The following NPC1 variants were observed in gnomAD, a reference collection of about 807,000 sequenced individuals.
The protein encoded by NPC1 is NPC intracellular cholesterol transporter 1.
Under a neutral mutation model 140.4 loss-of-function variants are expected in NPC1, and 85 were observed. That is an observed-to-expected ratio of 0.61 (90% CI 0.51 to 0.72). The LOEUF is 0.72. NPC1 is among the 30% of genes least tolerant of loss of function. The pLI, the probability that NPC1 is intolerant of heterozygous loss-of-function variation, is 0.00. For missense variants in NPC1, 1,504 were observed against 1,623.8 expected, an observed-to-expected ratio of 0.93 and a Z score of 1.27; for synonymous variants, 656 against 624.8, an observed-to-expected ratio of 1.05 and a Z score of -0.74.
At chr18:23,576,526 T>C (rs1178615265) in intron 1 of NPC1, 1 of 1,004,494 alleles carries the variant, frequency 1.0e-6, no homozygotes, top group Non-Finnish European at 1.2e-6. Context: ...TTAAATGCTC[T>C]TCACATTGTG....
At chr18:23,525,913 T>G (rs1314248907), downstream of NPC1, among the ~76,000 whole-genome samples, 1 of 152,252 alleles carries the variant, frequency 6.6e-6, no homozygotes, top group Non-Finnish European at 1.5e-5. Flanking sequence ...ATCCACTGTA[T>G]GTAATGCATT....
rs1567969266 is a variant in NPC1 at position 23,560,332 on chromosome 18, C to T, written c.780G>A (p.Trp260Ter). The T allele has an allele frequency of 1.2e-6, 2 of 1,614,220 alleles. No individual in the cohort carries two copies. The highest frequency in any genetic ancestry group is 1.7e-6 in the Non-Finnish European group (2 of 1,180,038). Residue 260 changes from tryptophan to a stop codon, truncating the protein, a stop_gained, in exon 6 of 25, where the codon TGG becomes TGA. Coordinates refer to ENST00000269228, the MANE Select transcript of NPC1 (RefSeq NM_000271.5). LOFTEE classifies it high-confidence loss of function. ...KPQPPPPPAP[W>*]TILGLDAMYV... ...ACATGGCGTCCAAGCCAAGGATCGT[C>T]CAGGGAGCAGGAGGAGGTGGGGGCT...
At chr18:23,570,323 T>C (rs2059183156) in intron 3 of NPC1, among the ~76,000 whole-genome samples, 1 of 152,352 alleles carries the variant, frequency 6.6e-6, no homozygotes, top group Middle Eastern at 3.4e-3. Flanking sequence ...AGGTTGGCTA[T>C]CTTTTTATGT....
At chr18:23,508,658 G>C (rs947791932) in intron 3 of NPC1, 1 of 152,278 alleles carries the variant, frequency 6.6e-6, no homozygotes, top group East Asian at 1.9e-4. Context: ...AGTTCAGGGC[G>C]GACTCTTTGG....
chr18:23,568,724 A>C, intron 4 of NPC1, 99 bp downstream of exon 4: 1 of 967,038 alleles, frequency 1.0e-6, no homozygotes, highest in South Asian at 1.3e-5. Context: ...GGAACTGAAA[A>C]TTGTGATTTT....
At chr18:23,522,279 A>G (rs1432950100), downstream of NPC1, 1 of 152,244 alleles carries the variant, frequency 6.6e-6, no homozygotes, top group Admixed American at 6.5e-5. Flanking sequence ...TATTGAAAGA[A>G]TAGATTTTGC....
At chr18:23,530,287 A>G, downstream of NPC1, 1 of 1,614,186 alleles carries the variant, frequency 6.2e-7, no homozygotes, top group Non-Finnish European at 8.5e-7. Flanking sequence ...CTATCTCTGG[A>G]CATGCTGAAG....
rs541856746 is a variant in NPC1, at chr18:23,541,562, G to A, written c.2246-129C>T. On this transcript the variant is annotated intron_variant, in intron 14 of 24. Coordinates refer to ENST00000269228, the MANE Select transcript of NPC1 (RefSeq NM_000271.5). ...CCAAACGCATGAGAAGGCATGCTGC[G>A]GCTGGACATTACACCAGAAGTGGGA... 54 of 1,196,204 alleles carry A rather than the reference G, an allele frequency of 4.5e-5. 1 individual carries two copies. The South Asian group carries it at 5.3e-4, about 12-fold the overall frequency. 74.1% of individuals were successfully genotyped at this position (1,196,204 alleles called of 1,614,324 possible). A position where few individuals can be genotyped will look rare whatever the true frequency, so the allele number is the denominator to read the frequency against.
downstream of NPC1, chr18:23,520,281 G>T: frequency 6.2e-7 from 1 of 1,614,036 alleles, no homozygotes; most frequent in Non-Finnish European, 8.5e-7. Context: ...CTTCCCGCTC[G>T]ATCGATCCAG....
At chr18:23,511,769 TTGGC>T (rs1486651123) in intron 3 of NPC1, among the ~76,000 whole-genome samples, 2 of 152,090 alleles carry the variant, frequency 1.3e-5, no homozygotes, top group East Asian at 3.8e-4. Flanking sequence ...TTATTGGACA[TTGGC>T]TGGTTTTCCA....
intron 3 of NPC1, chr18:23,506,944 T>C: frequency 6.7e-7 from 1 of 1,503,020 alleles, no homozygotes; most frequent in South Asian, 1.2e-5. Flanking sequence ...GTTATTTAAC[T>C]ACTAACACAA....
Position 23,560,392 on chromosome 18 carries a change from G to A in NPC1, c.720C>T (p.Cys240=), listed in dbSNP as rs1307963570. ...SVDEVTAPCS[C]QDCSIVCGPK... is the part of the protein sequence containing the mutation. The stretch of plus-strand genomic sequence containing the variant: ...GGCCACAGACAATAGAGCAGTCTTG[G>A]CAGCTACATGGTGCTGTGACCTCAT... Residue 240 remains cysteine (C), a synonymous_variant, in exon 6 of 25, where the codon TGC becomes TGT. Transcript: ENST00000269228. 1.2e-6 allele frequency: 2 copies of A among 1,614,254 alleles called. No homozygotes were observed. The highest frequency in any genetic ancestry group is 1.7e-6 in the Non-Finnish European group (2 of 1,180,052).
At chr18:23,578,394 C>T (rs945501909) in intron 1 of NPC1, among the ~76,000 whole-genome samples, 1 of 152,222 alleles carries the variant, frequency 6.6e-6, no homozygotes. Context: ...TGAAAGTCCT[C>T]CCTGTAGCAT....
intron 4 of NPC1, among the ~76,000 whole-genome samples, chr18:23,566,471 G>A (rs1448745891): frequency 6.6e-6 from 1 of 152,152 alleles, no homozygotes; most frequent in Non-Finnish European, 1.5e-5. Flanking sequence ...TAGGCCAGGT[G>A]TGGTGGCTCA....
intron 1 of NPC1, chr18:23,576,633 T>G (rs2059284369): frequency 4.2e-6 from 1 of 240,830 alleles, no homozygotes; most frequent in Non-Finnish European, 6.8e-6. Flanking sequence ...GCGTCTGGAA[T>G]CTGTCCCTTC....
chr18:23,577,334 G>A (rs1212423864), intron 1 of NPC1, among the ~76,000 whole-genome samples: 2 of 144,458 alleles, frequency 1.4e-5, no homozygotes, highest in East Asian at 4.1e-4. Flanking sequence ...GTCGATTGGT[G>A]CACTCACAAA....
At chr18:23,541,560 G>A in intron 14 of NPC1, 127 bp from the exon 15 acceptor site, 4 of 1,222,184 alleles carry the variant, frequency 3.3e-6, no homozygotes, top group Middle Eastern at 2.6e-4. Context: ...AAGGCATGCT[G>A]CGGCTGGACA....
intron 11 of NPC1, among the ~76,000 whole-genome samples, chr18:23,546,267 A>G (rs1311814887): frequency 6.6e-6 from 1 of 150,990 alleles, no homozygotes; most frequent in Non-Finnish European, 1.5e-5. Context: ...AAAAAAAAAA[A>G]AAAAAAAAAA....
intron 16 of NPC1, 127 bp from the exon 17 acceptor site, chr18:23,540,664 T>G: frequency 1.3e-6 from 1 of 757,622 alleles, no homozygotes; most frequent in South Asian, 1.5e-5. Context: ...GACAGGCTAA[T>G]AGGGAGTACA....
Sources: gnomAD v4.1 joint callset for allele counts (sites outside exome capture counted in the v4.1 genomes callset) on GRCh38, gnomAD v4.1.1 for gene constraint, MANE v1.5 for transcripts, NCBI Gene and HGNC (gene_info 2026-07-23, HGNC 2026-07-21) for gene names.